Variants in EPHB2 observed in about 807,000 individuals in gnomAD.
The protein encoded by EPHB2 is EPH receptor B2, also known as ephrin type-B receptor 2.
A neutral mutation model predicts 96.4 loss-of-function variants in EPHB2; 18 were observed. The observed-to-expected ratio is 0.19, with a 90% CI of 0.13 to 0.28. EPHB2 has a LOEUF of 0.28. Ranked by LOEUF, EPHB2 falls within the 10% of genes least tolerant of loss-of-function variation. The pLI, the probability that EPHB2 is intolerant of heterozygous loss-of-function variation, is 1.00. For missense variants in EPHB2, 989 were observed against 1,355.4 expected (o/e 0.73, Z 4.25); for synonymous variants, 506 against 534.1 (o/e 0.95, Z 0.72).
At chr1:22,851,737 G>C (rs547862731) in intron 3 of EPHB2, among the ~76,000 whole-genome samples, 1 of 152,176 alleles carries the variant, frequency 6.6e-6, no homozygotes, top group Admixed American at 6.5e-5. Flanking sequence ...TGAACCTCAC[G>C]TGCTAGCAAC....
At position 22,860,430 on chromosome 1, in the gene EPHB2, C is replaced by T. The variant is rs1001135046; in HGVS notation, c.812-2607C>T. ...ATAGATACAGAAATGATACAGTGCC[C>T]GGTGGTGGGGGTCGAACCTGGCCAG... On this transcript the variant is annotated intron_variant, in intron 3 of 15. Coordinates refer to ENST00000374630, the MANE Select transcript of EPHB2 (RefSeq NM_017449.5). The surrounding 1 kb of genome is among the most constrained non-coding windows in gnomAD (Gnocchi z 4.6). 1.3e-5 allele frequency among the ~76,000 whole-genome samples: 2 copies of T among 151,944 alleles called. No individual in the cohort carries two copies. The highest frequency in any genetic ancestry group is 2.9e-5 in the Non-Finnish European group (2 of 67,978).
intron 5 of EPHB2, among the ~76,000 whole-genome samples, chr1:22,867,275 A>AT (rs1638509694): frequency 6.6e-6 from 1 of 152,176 alleles, no homozygotes; most frequent in South Asian, 2.1e-4. Flanking sequence ...GACTGTGGCC[A>AT]TGTGGGTTCT....
chr1:22,777,083 G>C (rs1644463338), intron 1 of EPHB2, among the ~76,000 whole-genome samples: 1 of 152,242 alleles, frequency 6.6e-6, no homozygotes, highest in Admixed American at 6.5e-5. Context: ...ACTTGCTAGA[G>C]GAGGTGACCT....
chr1:22,778,550 A>C (rs991415603), intron 1 of EPHB2, among the ~76,000 whole-genome samples: 18 of 152,212 alleles, frequency 1.2e-4, no homozygotes, highest in Non-Finnish European at 1.6e-4. Context: ...GGTTTCCCAG[A>C]GCCAGGCCTC....
At chr1:22,881,351 T>C (rs1639038422) in intron 5 of EPHB2, among the ~76,000 whole-genome samples, 1 of 151,508 alleles carries the variant, frequency 6.6e-6, no homozygotes, top group South Asian at 2.1e-4. Context: ...TGAGCCAAGA[T>C]CATGCCACTG....
At chr1:22,813,290 C>T (rs554947784) in intron 3 of EPHB2, among the ~76,000 whole-genome samples, 2 of 152,276 alleles carry the variant, frequency 1.3e-5, no homozygotes, top group Non-Finnish European at 2.9e-5. Context: ...ATTTTGTCTT[C>T]CTGGGGCACT....
At chr1:22,889,946 T>A (rs1639340591) in intron 6 of EPHB2, among the ~76,000 whole-genome samples, 1 of 152,230 alleles carries the variant, frequency 6.6e-6, no homozygotes, top group Non-Finnish European at 1.5e-5. Flanking sequence ...CTGAGCAGCA[T>A]CCTATATTTG....
At chr1:22,904,475 A>G (rs1407056491) in intron 9 of EPHB2, among the ~76,000 whole-genome samples, 6 of 152,206 alleles carry the variant, frequency 3.9e-5, no homozygotes, top group Non-Finnish European at 8.8e-5. Context: ...GGAGGTTACC[A>G]GATCTCCTAC....
At chr1:22,891,037 A>G in intron 6 of EPHB2, 1 of 455,816 alleles carries the variant, frequency 2.2e-6, no homozygotes, top group South Asian at 1.5e-5. Flanking sequence ...GTATGTGCTT[A>G]CCCTATCAGT....
At chr1:22,820,816 T>C (rs1557694930) in intron 3 of EPHB2, among the ~76,000 whole-genome samples, 1 of 152,180 alleles carries the variant, frequency 6.6e-6, no homozygotes, top group Admixed American at 6.5e-5. Context: ...ATTTCACAGA[T>C]AGAGAAACCA....
intron 1 of EPHB2, among the ~76,000 whole-genome samples, chr1:22,732,533 G>A (rs1643741054): frequency 6.6e-6 from 1 of 152,138 alleles, no homozygotes; most frequent in Non-Finnish European, 1.5e-5. Flanking sequence ...CACACCCTCA[G>A]TGCGCGTGTG....
At chr1:22,833,402 G>A (rs1645335681) in intron 3 of EPHB2, among the ~76,000 whole-genome samples, 1 of 152,202 alleles carries the variant, frequency 6.6e-6, no homozygotes, top group African/African-American at 2.4e-5. Context: ...ACAGGCGTGA[G>A]CCACCATGCC....
chr1:22,785,691 A>G (rs1644601263), intron 3 of EPHB2, among the ~76,000 whole-genome samples: 1 of 152,194 alleles, frequency 6.6e-6, no homozygotes, highest in African/African-American at 2.4e-5. Context: ...TCCACCTGGA[A>G]TGCGCCCCCG....
At chr1:22,862,109 C>G (rs563135848) in intron 3 of EPHB2, among the ~76,000 whole-genome samples, 30 of 152,340 alleles carry the variant, frequency 2.0e-4, no homozygotes, top group Middle Eastern at 3.4e-3. Flanking sequence ...ATTCTCAGCC[C>G]AGGGCCAGCA....
At chr1:22,755,126 CAG>C (rs1286676787) in intron 1 of EPHB2, among the ~76,000 whole-genome samples, 3 of 152,064 alleles carry the variant, frequency 2.0e-5, no homozygotes, top group Non-Finnish European at 4.4e-5. Context: ...TTTGAGGGAT[CAG>C]GGGATTGAAG....
chr1:22,843,881 G>T (rs2148501161), intron 3 of EPHB2, among the ~76,000 whole-genome samples: 1 of 152,334 alleles, frequency 6.6e-6, no homozygotes, highest in East Asian at 1.9e-4. Context: ...TCAATGTTTA[G>T]CTTCCGCTTA....
At chr1:22,741,295 A>G (rs1441407001) in intron 1 of EPHB2, among the ~76,000 whole-genome samples, 3 of 151,954 alleles carry the variant, frequency 2.0e-5, no homozygotes, top group African/African-American at 7.3e-5. Context: ...ACACTTCACA[A>G]GTCTGTCCCC....
chr1:22,893,108 G>GTT, intron 7 of EPHB2, 62 bp downstream of exon 7: 6 of 1,612,412 alleles, frequency 3.7e-6, no homozygotes, highest in Non-Finnish European at 5.1e-6. Context: ...AAACTCAAGG[G>GTT]TCACCATTCT....
At chr1:22,868,916 C>G (rs898862377) in intron 5 of EPHB2, among the ~76,000 whole-genome samples, 1 of 152,156 alleles carries the variant, frequency 6.6e-6, no homozygotes, top group Non-Finnish European at 1.5e-5. Flanking sequence ...TTCCAGAACA[C>G]AGATTTCTCT....
Sources: gnomAD v4.1 joint callset for allele counts (sites outside exome capture counted in the v4.1 genomes callset) on GRCh38, gnomAD v4.1.1 for gene constraint, Gnocchi (gnomAD v3.1) non-coding constraint, MANE v1.5 for transcripts, NCBI Gene and HGNC (gene_info 2026-07-23, HGNC 2026-07-21) for gene names.